The following CSMD3 variants were observed in gnomAD, a reference collection of about 807,000 sequenced individuals.
CSMD3 encodes CUB and Sushi multiple domains 3.
In CSMD3, 177 loss-of-function variants were observed where a neutral mutation model predicts 435.2. The ratio of observed to expected loss-of-function variants is 0.41; its 90% CI spans 0.36 to 0.46. CSMD3 has a LOEUF of 0.46. CSMD3 is among the 20% of genes least tolerant of loss of function. CSMD3 has a pLI of 0.34. For synonymous variants in CSMD3, 1,656 were observed against 1,520.5 expected (o/e 1.09, Z -2.07); for missense variants, 4,265 against 4,504.6 (o/e 0.95, Z 1.52).
intron 12 of CSMD3, among the ~76,000 whole-genome samples, chr8:112,818,278 T>A (rs1044418877): frequency 3.9e-5 from 6 of 152,268 alleles, no homozygotes; most frequent in African/African-American, 1.2e-4. Flanking sequence ...ATGTGTTTAT[T>A]AAAATAATTA....
At chr8:113,237,308 A>C (rs1316749974) in intron 3 of CSMD3, among the ~76,000 whole-genome samples, 1 of 152,192 alleles carries the variant, frequency 6.6e-6, no homozygotes, top group Non-Finnish European at 1.5e-5. Context: ...ATAAATGAAA[A>C]ATGGTCAACA....
At chr8:112,443,919 A>C (rs1331751603) in intron 32 of CSMD3, among the ~76,000 whole-genome samples, 1 of 152,160 alleles carries the variant, frequency 6.6e-6, no homozygotes, top group Non-Finnish European at 1.5e-5. Flanking sequence ...GACACATTTA[A>C]TCCTCATAAC....
intron 3 of CSMD3, among the ~76,000 whole-genome samples, chr8:113,265,740 T>G (rs1250175720): frequency 1.3e-5 from 2 of 151,590 alleles, no homozygotes; most frequent in Admixed American, 1.3e-4. Flanking sequence ...TTTGAACATT[T>G]ACAACTGCTT....
At chr8:112,353,839 C>G (rs188866715) in intron 38 of CSMD3, among the ~76,000 whole-genome samples, 1 of 152,048 alleles carries the variant, frequency 6.6e-6, no homozygotes, top group South Asian at 2.1e-4. Context: ...TTTCCTAACT[C>G]GTTCTACAAA....
chr8:112,857,151 T>C (rs955924517), intron 11 of CSMD3, among the ~76,000 whole-genome samples: 2 of 151,676 alleles, frequency 1.3e-5, no homozygotes, highest in Non-Finnish European at 3.0e-5. Context: ...ATCCTTATTG[T>C]GGCTCATGAT....
intron 1 of CSMD3, among the ~76,000 whole-genome samples, chr8:113,416,056 T>A (rs1014670601): frequency 1.3e-5 from 2 of 152,116 alleles, no homozygotes; most frequent in African/African-American, 4.8e-5. Flanking sequence ...TACATAGGAT[T>A]TGTTTGAATA....
At chr8:113,164,650 G>A (rs2092114895) in intron 4 of CSMD3, among the ~76,000 whole-genome samples, 1 of 151,968 alleles carries the variant, frequency 6.6e-6, no homozygotes, top group South Asian at 2.1e-4. Flanking sequence ...CCAAGTTCCA[G>A]AATTTAAATT....
At chr8:112,641,478 A>T (rs1262200575) in intron 20 of CSMD3, among the ~76,000 whole-genome samples, 1 of 152,174 alleles carries the variant, frequency 6.6e-6, no homozygotes, top group Non-Finnish European at 1.5e-5. Flanking sequence ...TCAATATAGG[A>T]GCATAGAAAT....
chr8:113,062,460 G>C (rs1230251025), intron 5 of CSMD3, among the ~76,000 whole-genome samples: 1 of 151,896 alleles, frequency 6.6e-6, no homozygotes, highest in Non-Finnish European at 1.5e-5. Flanking sequence ...TGATTAAATA[G>C]AGGATTGATG....
intron 5 of CSMD3, among the ~76,000 whole-genome samples, chr8:113,058,629 A>G (rs2088459362): frequency 6.6e-6 from 1 of 152,016 alleles, no homozygotes. Flanking sequence ...TAAGTTGATG[A>G]AAAAGTAACA....
At chr8:112,795,310 C>T (rs543226872) in intron 13 of CSMD3, among the ~76,000 whole-genome samples, 1 of 151,590 alleles carries the variant, frequency 6.6e-6, no homozygotes, top group African/African-American at 2.4e-5. Flanking sequence ...AAAGTTTGTC[C>T]CAGTACTGGA....
At chr8:112,548,425 C>T (rs988459912) in intron 27 of CSMD3, among the ~76,000 whole-genome samples, 19 of 152,188 alleles carry the variant, frequency 1.2e-4, no homozygotes, top group African/African-American at 4.3e-4. Flanking sequence ...AATAATAATA[C>T]TGTAATAATA....
At chr8:113,318,398 A>G (rs1250286040) in intron 1 of CSMD3, among the ~76,000 whole-genome samples, 1 of 152,190 alleles carries the variant, frequency 6.6e-6, no homozygotes, top group Non-Finnish European at 1.5e-5. Context: ...AGATTACTGT[A>G]GCTATCATCT....
At chr8:113,169,532 C>T (rs571770935) in intron 4 of CSMD3, among the ~76,000 whole-genome samples, 6 of 152,226 alleles carry the variant, frequency 3.9e-5, no homozygotes, top group African/African-American at 1.2e-4. Flanking sequence ...CAATATACCA[C>T]TCTTTTAAAA....
rs2129758209 is a variant in CSMD3 at position 112,224,788 on chromosome 8, C to A, written c.11107G>T (p.Val3703Phe). ...TTGCCTCGTTATACCATTGTGCAAA[C>A]CGTGTTCAAGTTGGGATCAAATCGT... is the stretch of plus-strand genomic sequence containing the variant. ...AVRFDPNLNT[V>F]CTMV The change falls in exon 71 of 71, where the codon GTT (valine) becomes TTT (phenylalanine). Residue 3703 changes from valine to phenylalanine, a missense_variant. This residue lies in a region of CSMD3 where 3,255 missense variants were observed against 3,380.2 expected (regional missense o/e 0.96). Coordinates refer to ENST00000297405, the MANE Select transcript of CSMD3 (RefSeq NM_198123.2). 6.2e-7 allele frequency: 1 copy of A among 1,613,988 alleles called. No homozygotes were observed. Among genetic ancestry groups the A allele is most frequent in the Non-Finnish European group, 8.5e-7 (1 of 1,179,896 alleles).
At chr8:113,179,480 C>T (rs560714604) in intron 3 of CSMD3, among the ~76,000 whole-genome samples, 8 of 151,622 alleles carry the variant, frequency 5.3e-5, no homozygotes, top group African/African-American at 1.7e-4. Flanking sequence ...TGCTCCTCTC[C>T]GAATCATAAA....
intron 18 of CSMD3, among the ~76,000 whole-genome samples, chr8:112,655,255 T>C (rs1286599577): frequency 2.0e-5 from 3 of 152,076 alleles, no homozygotes; most frequent in African/African-American, 7.2e-5. Flanking sequence ...GAAAGGGTCA[T>C]AATTAACTTG....
chr8:112,783,536 G>A (rs1414735020), intron 13 of CSMD3, among the ~76,000 whole-genome samples: 1 of 150,994 alleles, frequency 6.6e-6, no homozygotes, highest in South Asian at 2.1e-4. Flanking sequence ...AGGACGGAGG[G>A]AAGATTATAA....
At chr8:112,397,727 C>T (rs976276323) in intron 35 of CSMD3, among the ~76,000 whole-genome samples, 3 of 152,172 alleles carry the variant, frequency 2.0e-5, no homozygotes, top group Non-Finnish European at 2.9e-5. Context: ...TAACTACCTT[C>T]CAATCCCTGC....
Sources: allele counts gnomAD v4.1 joint callset (sites outside exome capture counted in the v4.1 genomes callset), GRCh38; gene constraint gnomAD v4.1.1; regional missense constraint gnomAD v4.1.1; transcripts MANE v1.5; gene names NCBI Gene and HGNC (gene_info 2026-07-23, HGNC 2026-07-21).